HOXC11: variants seen among roughly 807,000 people sequenced by gnomAD.
The protein encoded by HOXC11 is homeobox C11.
Under a neutral mutation model 23.6 loss-of-function variants are expected in HOXC11, and 17 were observed. The ratio of observed to expected loss-of-function variants is 0.72; its 90% CI spans 0.49 to 1.08. The LOEUF is 1.08. Among genes scored for constraint, HOXC11 ranks in the 50% least tolerant of loss-of-function variants. The pLI is 0.00. For missense variants in HOXC11, 413 were observed against 412.1 expected, an observed-to-expected ratio of 1.00 and a Z score of -0.02; for synonymous variants, 196 against 183.8, an observed-to-expected ratio of 1.07 and a Z score of -0.54.
chr12:53,973,563 T>A lies in HOXC11; in HGVS notation c.322T>A (p.Ser108Thr). Residue 108 changes from serine (S) to threonine (T), a missense_variant, in exon 1 of 2, where the codon TCC becomes ACC. Transcript: ENST00000546378. This position sits in a 1 kb window ranked among gnomAD's most constrained non-coding sequence, Gnocchi z 4.3. The part of the protein sequence containing the change: ...ELMHRECLPP[S>T]TVTEILMKNE... ...TATGCACCGGGAGTGCCTGCCTCCTTCCACCGTCACCGAGATCCTCATGAA... is the reference window on the plus strand; with the variant it reads ...TATGCACCGGGAGTGCCTGCCTCCTACCACCGTCACCGAGATCCTCATGAA... The A allele has an allele frequency of 6.2e-7, 1 of 1,612,710 alleles. No individual in the cohort carries two copies. Among genetic ancestry groups the A allele is most frequent in the Non-Finnish European group, 8.5e-7 (1 of 1,179,854 alleles).
At position 53,975,172 on chromosome 12, in the gene HOXC11, T is replaced by C. The variant is rs1592196897; in HGVS notation, c.683-9T>C. 1.1e-4 allele frequency: 100 copies of C among 903,668 alleles called. No homozygotes were observed. The highest frequency in any genetic ancestry group is 8.6e-4 in the South Asian group (40 of 46,450). 56.0% of individuals were successfully genotyped at this position (903,668 alleles called of 1,614,324 possible). On this transcript the variant is annotated splice_polypyrimidine_tract_variant and intron_variant, in intron 1 of 1. Transcript: ENST00000546378. Reference sequence around the variant, plus strand: ...CTCTCCTCGCACTTGCCCCCTCCCCTCCCTCCAGACGCCCCCCGCACCCGC... The same window carrying C: ...CTCTCCTCGCACTTGCCCCCTCCCCCCCCTCCAGACGCCCCCCGCACCCGC...
Position 53,975,687 on chromosome 12 carries a change from T to A in HOXC11, c.*274T>A. On this transcript the variant is annotated 3_prime_UTR_variant, in exon 2 of 2. Coordinates refer to ENST00000546378, the MANE Select transcript of HOXC11 (RefSeq NM_014212.4). ...ACCGTTGGCGCCGAGGCCAAGACTT[T>A]GATTTAAAAGAAAACACACCTCGGC... 2 of 566,382 alleles carry A rather than the reference T, an allele frequency of 3.5e-6. No homozygotes were observed. The highest frequency in any genetic ancestry group is 6.2e-6 in the Non-Finnish European group (2 of 321,094). 35.1% of individuals were successfully genotyped at this position (566,382 alleles called of 1,614,324 possible).
At chr12:53,974,346 C>A (rs1431391705) in intron 1 of HOXC11, among the ~76,000 whole-genome samples, 1 of 128,570 alleles carries the variant, frequency 7.8e-6, no homozygotes, top group African/African-American at 3.0e-5. Flanking sequence ...AAGGGGAGGG[C>A]GAGGGAAAGA....
At position 53,976,665 on chromosome 12, in the gene HOXC11, C is replaced by T. The variant is rs1939266161; in HGVS notation, c.*1252C>T. The T allele has an allele frequency of 6.5e-6, 1 of 154,842 alleles. No individual in the cohort carries two copies. The highest frequency in any genetic ancestry group is 2.4e-5 in the African/African-American group (1 of 41,532). The allele number at this position is 154,842 out of a possible 1,614,324, so 9.6% of individuals were successfully genotyped here. A position where few individuals can be genotyped will look rare whatever the true frequency, so the allele number is the denominator to read the frequency against. ...CATTCCATAGCTACTCTGAAGCTCT[C>T]CTTTCTCACGTGCAGCTCGAGCTGT... On this transcript the variant is annotated 3_prime_UTR_variant, in exon 2 of 2. Coordinates refer to ENST00000546378, the MANE Select transcript of HOXC11 (RefSeq NM_014212.4).
rs771665384 is a variant in HOXC11, at chr12:53,973,292, G to C, written c.51G>C (p.Glu17Asp). The change falls in exon 1 of 2, where the codon GAG (glutamate) becomes GAC (aspartate). Residue 17 changes from glutamate (E) to aspartate (D), a missense_variant. Glu to Asp is a conservative substitution (Grantham distance 45, BLOSUM62 2). Transcript: ENST00000546378. The surrounding 1 kb of genome is among the most constrained non-coding windows in gnomAD (Gnocchi z 4.3). ...ACTTCTGCTCTCCGTCGCGCAAGGA[G>C]AGGGGCGCAGATTTCGGCGAGCGAG... ...LGNFCSPSRK[E>D]RGADFGERGS... The C allele has an allele frequency of 6.2e-7, 1 of 1,613,870 alleles. No homozygotes were observed. Among genetic ancestry groups the C allele is most frequent in the Non-Finnish European group, 8.5e-7 (1 of 1,180,008 alleles).
At position 53,976,210 on chromosome 12, in the gene HOXC11, G is replaced by A. The variant is rs950560922; in HGVS notation, c.*797G>A. On this transcript the variant is annotated 3_prime_UTR_variant, in exon 2 of 2. Coordinates refer to ENST00000546378, the MANE Select transcript of HOXC11 (RefSeq NM_014212.4). Reference sequence around the variant, plus strand: ...GGGATTGGGCACCTCCCCCGTGCTGGGGCCTGGATTTTTGTAAATAAATTT... The same window carrying A: ...GGGATTGGGCACCTCCCCCGTGCTGAGGCCTGGATTTTTGTAAATAAATTT... 4.5e-6 allele frequency: 1 copy of A among 223,670 alleles called. No homozygotes were observed. The highest frequency in any genetic ancestry group is 8.8e-6 in the Non-Finnish European group (1 of 113,410). 13.9% of individuals were successfully genotyped at this position (223,670 alleles called of 1,614,324 possible).
rs1939200071 is a variant in HOXC11, at chr12:53,973,942, G to A, written c.682+19G>A. 4 of 1,435,886 alleles carry A rather than the reference G, an allele frequency of 2.8e-6. No individual in the cohort carries two copies. Among genetic ancestry groups the A allele is most frequent in the Non-Finnish European group, 3.7e-6 (4 of 1,093,108 alleles). 88.9% of individuals were successfully genotyped at this position (1,435,886 alleles called of 1,614,324 possible). A position where few individuals can be genotyped will look rare whatever the true frequency, so the allele number is the denominator to read the frequency against. On this transcript the variant is annotated intron_variant, in intron 1 of 1. Transcript: ENST00000546378. This position sits in a 1 kb window ranked among gnomAD's most constrained non-coding sequence, Gnocchi z 4.3. ...GCCCCCAGTAGGTAGCAGCGGCCGG[G>A]GAACGGGCGGGCAGCGAGGGAGGGA...
Position 53,977,276 on chromosome 12 carries a change from G to A in HOXC11, c.*1863G>A, listed in dbSNP as rs907517038. ...TTCAAATTCGTTATTTGGGGGCAGA[G>A]GTTCAGGACAACTCATCTCATCTTT... On this transcript the variant is annotated 3_prime_UTR_variant, in exon 2 of 2. Transcript: ENST00000546378. 4 of 152,206 alleles carry A rather than the reference G, an allele frequency of 2.6e-5. No homozygotes were observed. The highest frequency in any genetic ancestry group is 9.7e-5 in the African/African-American group (4 of 41,432). 9.4% of individuals were successfully genotyped at this position (152,206 alleles called of 1,614,324 possible). A position where few individuals can be genotyped will look rare whatever the true frequency, so the allele number is the denominator to read the frequency against.
In HOXC11 at chr12:53,975,527, C is replaced by T. The variant is rs1395960609; in HGVS notation, c.*114C>T. 7 of 807,572 alleles carry T rather than the reference C, an allele frequency of 8.7e-6. No individual in the cohort carries two copies. In the East Asian group the frequency reaches 1.9e-4, roughly 22 times the overall value. 50.0% of individuals were successfully genotyped at this position (807,572 alleles called of 1,614,324 possible). ...CGCCGGTGGAAAACTGGACTGTGGC[C>T]AGGGCTGGCCCCCACCGCTGTGGCC... On this transcript the variant is annotated 3_prime_UTR_variant, in exon 2 of 2. Coordinates refer to ENST00000546378, the MANE Select transcript of HOXC11 (RefSeq NM_014212.4).
At chr12:53,975,104 C>G in intron 1 of HOXC11, 77 bp from the exon 2 acceptor site, 1 of 688,140 alleles carries the variant, frequency 1.5e-6, no homozygotes, top group East Asian at 2.7e-5. Context: ...GCTGAGCGCT[C>G]AGCGGGCTGG....
rs1939184500 is a variant in HOXC11, at chr12:53,973,424, T to C, written c.183T>C (p.Tyr61=). The C allele has an allele frequency of 1.9e-6, 3 of 1,613,970 alleles. No homozygotes were observed. Among genetic ancestry groups the C allele is most frequent in the African/African-American group, 1.3e-5 (1 of 74,886 alleles). Reference sequence around the variant, plus strand: ...AGGCCCCCTCTCGTCAGATCTCCTATCCCTACTCGGCCCAAGTGCCCCCGG... The same window carrying C: ...AGGCCCCCTCTCGTCAGATCTCCTACCCCTACTCGGCCCAAGTGCCCCCGG... The part of the protein sequence containing the change: ...LPQAPSRQIS[Y]PYSAQVPPVR... Residue 61 remains tyrosine, a synonymous_variant, in exon 1 of 2, where the codon TAT becomes TAC. Transcript: ENST00000546378. This position sits in a 1 kb window ranked among gnomAD's most constrained non-coding sequence, Gnocchi z 4.3.
Position 53,975,439 on chromosome 12 carries a change from C to T in HOXC11, c.*26C>T, listed in dbSNP as rs1555180190. On this transcript the variant is annotated 3_prime_UTR_variant, in exon 2 of 2. Transcript: ENST00000546378. ...CCTGCAGACCGGGCCCTTTTGGGGGCGGGGGGAGGGGAAAATTATTTTATT... is the reference window on the plus strand; with the variant it reads ...CCTGCAGACCGGGCCCTTTTGGGGGTGGGGGGAGGGGAAAATTATTTTATT... 2 of 1,275,150 alleles carry T rather than the reference C, an allele frequency of 1.6e-6. No individual in the cohort carries two copies. The highest frequency in any genetic ancestry group is 1.1e-6 in the Non-Finnish European group (1 of 882,690). The allele number at this position is 1,275,150 out of a possible 1,614,324, so 79.0% of individuals were successfully genotyped here.
Position 53,973,577 on chromosome 12 carries a change from GA to G in HOXC11, c.337del (p.Ile113SerfsTer3). The G allele has an allele frequency of 6.2e-7, 1 of 1,613,210 alleles. No homozygotes were observed. The highest frequency in any genetic ancestry group is 8.5e-7 in the Non-Finnish European group (1 of 1,179,990). On this transcript the variant is annotated frameshift_variant, in exon 1 of 2. Transcript: ENST00000546378. LOFTEE classifies it high-confidence loss of function. This position sits in a 1 kb window ranked among gnomAD's most constrained non-coding sequence, Gnocchi z 4.3. ...GCCTGCCTCCTTCCACCGTCACCGA[GA>G]TCCTCATGAAAAACGAAGGCTCCTA... ...ECLPPSTVTE[I>X]LMKNEGSYGG...
rs749531393 is a variant in HOXC11 at position 53,975,299 on chromosome 12, G to C, written c.801G>C (p.Arg267=). ...INKEKRLQLS[R]MLNLTDRQVK... Reference sequence around the variant, plus strand: ...AAGAGAAGCGGCTGCAGCTGTCCCGGATGCTGAACCTGACGGACCGACAAG... The same window carrying C: ...AAGAGAAGCGGCTGCAGCTGTCCCGCATGCTGAACCTGACGGACCGACAAG... Residue 267 remains arginine (R), a synonymous_variant, in exon 2 of 2, where the codon CGG becomes CGC. Transcript: ENST00000546378. 4 of 1,613,846 alleles carry C rather than the reference G, an allele frequency of 2.5e-6. No homozygotes were observed. The highest frequency in any genetic ancestry group is 3.4e-6 in the Non-Finnish European group (4 of 1,179,956).
Position 53,975,643 on chromosome 12 carries a change from T to G in HOXC11, c.*230T>G. On this transcript the variant is annotated 3_prime_UTR_variant, in exon 2 of 2. Transcript: ENST00000546378. ...TGGAAAGGGGGTGAAGGGAAGTGTC[T>G]GATGCACGGCGAGTGAACACCGTTG... The G allele has an allele frequency of 1.6e-6, 1 of 611,922 alleles. No homozygotes were observed. The highest frequency in any genetic ancestry group is 2.9e-6 in the Non-Finnish European group (1 of 344,392). The allele number at this position is 611,922 out of a possible 1,614,324, so 37.9% of individuals were successfully genotyped here.
In HOXC11 at chr12:53,973,406, C is replaced by A; in HGVS notation, c.165C>A (p.Pro55=). The part of the protein sequence containing the change: ...STVSSFLPQA[P]SRQISYPYSA... ...TCTCCTCCTTCCTGCCCCAGGCCCC[C>A]TCTCGTCAGATCTCCTATCCCTACT... The change falls in exon 1 of 2, where the codon CCC becomes CCA. Residue 55 remains proline, a synonymous_variant. Transcript: ENST00000546378. This position sits in a 1 kb window ranked among gnomAD's most constrained non-coding sequence, Gnocchi z 4.3. 6.2e-7 allele frequency: 1 copy of A among 1,614,246 alleles called. No individual in the cohort carries two copies. Among genetic ancestry groups the A allele is most frequent in the Non-Finnish European group, 8.5e-7 (1 of 1,180,046 alleles).
At position 53,973,984 on chromosome 12, in the gene HOXC11, G is replaced by C; in HGVS notation, c.682+61G>C. The C allele has an allele frequency of 1.5e-6, 2 of 1,369,844 alleles. No homozygotes were observed. Among genetic ancestry groups the C allele is most frequent in the South Asian group, 1.6e-5 (1 of 64,290 alleles). 84.9% of individuals were successfully genotyped at this position (1,369,844 alleles called of 1,614,324 possible). ...AGGGAGGGAGCGAGAGAGGGAGGGC[G>C]AGAGAAGGGGGGAGGCAAGGGGAGC... On this transcript the variant is annotated intron_variant, in intron 1 of 1. Transcript: ENST00000546378. This position sits in a 1 kb window ranked among gnomAD's most constrained non-coding sequence, Gnocchi z 4.3.
rs375305685 is a variant in HOXC11, at chr12:53,974,805, G to A, written c.683-376G>A. On this transcript the variant is annotated intron_variant, in intron 1 of 1. Transcript: ENST00000546378. ...TTTCCCCCCAGATTTCTGGGGGAGGGGTTGGGCTTTCCGAACCACTAGGAG... is the reference window on the plus strand; with the variant it reads ...TTTCCCCCCAGATTTCTGGGGGAGGAGTTGGGCTTTCCGAACCACTAGGAG... 139 of 185,228 alleles carry A rather than the reference G, an allele frequency of 7.5e-4. No individual in the cohort carries two copies. In the East Asian group the frequency reaches 0.016, roughly 22 times the overall value. 11.5% of individuals were successfully genotyped at this position (185,228 alleles called of 1,614,324 possible). A position where few individuals can be genotyped will look rare whatever the true frequency, so the allele number is the denominator to read the frequency against.
In HOXC11 at chr12:53,975,370, G is replaced by T; in HGVS notation, c.872G>T (p.Ser291Ile). 3 of 1,613,812 alleles carry T rather than the reference G, an allele frequency of 1.9e-6. No individual in the cohort carries two copies. The highest frequency in any genetic ancestry group is 2.5e-6 in the Non-Finnish European group (3 of 1,179,970). The change falls in exon 2 of 2, where the codon AGC becomes ATC. Residue 291 changes from serine to isoleucine, a missense_variant. Ser to Ile is a moderately radical substitution (Grantham distance 142). Transcript: ENST00000546378. ...QNRRMKEKKL[S>I]RDRLQYFSGN... ...AGAAGGATGAAAGAAAAGAAACTGA[G>T]CAGAGACCGGCTGCAGTATTTCTCG...
Sources: allele counts gnomAD v4.1 joint callset (sites outside exome capture counted in the v4.1 genomes callset), GRCh38; gene constraint gnomAD v4.1.1; non-coding constraint Gnocchi (gnomAD v3.1); transcripts MANE v1.5; gene names NCBI Gene and HGNC (gene_info 2026-07-23, HGNC 2026-07-21).